Variants in CADM2 observed in about 807,000 individuals in gnomAD.
CADM2 encodes immunoglobulin superfamily member 4D.
A neutral mutation model predicts 49.8 loss-of-function variants in CADM2; 12 were observed. That is an observed-to-expected ratio of 0.24 (90% CI 0.15 to 0.39). The LOEUF (loss-of-function observed/expected upper bound fraction) is 0.39, where lower values mean the gene tolerates loss of function less well. CADM2 is among the 10% of genes least tolerant of loss of function. CADM2 has a pLI of 1.00. For missense variants in CADM2, 378 were observed against 492.3 expected, an observed-to-expected ratio of 0.77 and a Z score of 2.20; for synonymous variants, 214 against 175.4, an observed-to-expected ratio of 1.22 and a Z score of -1.74.
chr3:86,065,627 G>C lies in CADM2; in HGVS notation c.993G>C (p.Gln331His), dbSNP rs745405105. 4 of 1,613,336 alleles carry C rather than the reference G, an allele frequency of 2.5e-6. No individual in the cohort carries two copies. In the Admixed American group the frequency reaches 6.7e-5, roughly 27 times the overall value. ...IVHDPNALAG[Q>H]NGPDHALIGG... ...CAGATCCTAATGCTTTGGCTGGCCA[G>C]AATGGCCCTGACCATGCTCTCATAG... Residue 331 changes from glutamine (Q) to histidine (H), a missense_variant, in exon 9 of 10, where the codon CAG (glutamine) becomes CAC (histidine). Transcript: ENST00000383699.
chr3:85,978,321 A>AT (rs1727046682), intron 8 of CADM2, among the ~76,000 whole-genome samples: 1 of 151,426 alleles, frequency 6.6e-6, no homozygotes, highest in African/African-American at 2.4e-5. Context: ...TCTGGGTTTT[A>AT]TTTTTTCTGT....
At chr3:84,965,553 T>C (rs2030910987) in intron 1 of CADM2, among the ~76,000 whole-genome samples, 1 of 152,212 alleles carries the variant, frequency 6.6e-6, no homozygotes, top group Non-Finnish European at 1.5e-5. Context: ...CTATCAACAT[T>C]TTCATCCAAT....
intron 1 of CADM2, among the ~76,000 whole-genome samples, chr3:85,155,097 C>T (rs374368570): frequency 0.17 from 22,639 of 136,864 alleles, 3,337 homozygotes; most frequent in African/African-American, 0.41. Context: ...CAATATTAAC[C>T]TTAAATGTAA....
At chr3:85,184,149 G>T (rs1281089811) in intron 1 of CADM2, among the ~76,000 whole-genome samples, 1 of 152,058 alleles carries the variant, frequency 6.6e-6, no homozygotes, top group Non-Finnish European at 1.5e-5. Context: ...GGCAAACACA[G>T]CATGGAAGTT....
At chr3:85,315,871 T>C (rs1282991613) in intron 1 of CADM2, among the ~76,000 whole-genome samples, 1 of 152,156 alleles carries the variant, frequency 6.6e-6, no homozygotes. Context: ...ATTCATTATT[T>C]AGTGAAGATA....
intron 1 of CADM2, among the ~76,000 whole-genome samples, chr3:85,004,356 T>G (rs990203073): frequency 2.8e-4 from 42 of 152,200 alleles, no homozygotes; most frequent in African/African-American, 1.0e-3. Flanking sequence ...TCAGCATTCT[T>G]TGTTCATTCA....
At chr3:85,197,426 T>C (rs553143585) in intron 1 of CADM2, among the ~76,000 whole-genome samples, 1 of 152,058 alleles carries the variant, frequency 6.6e-6, no homozygotes, top group South Asian at 2.1e-4. Flanking sequence ...TGCCACTCTG[T>C]CTAATACTAA....
At chr3:85,541,407 A>G (rs2061535803) in intron 1 of CADM2, among the ~76,000 whole-genome samples, 1 of 151,286 alleles carries the variant, frequency 6.6e-6, no homozygotes, top group Admixed American at 6.6e-5. Context: ...TATGATAAGT[A>G]TAAAGTATTA....
At chr3:84,983,451 T>G (rs2032334419) in intron 1 of CADM2, among the ~76,000 whole-genome samples, 1 of 152,106 alleles carries the variant, frequency 6.6e-6, no homozygotes, top group African/African-American at 2.4e-5. Flanking sequence ...AAAGCCAATT[T>G]TTAATAAAAT....
chr3:85,557,501 G>A (rs1279578701), intron 1 of CADM2, among the ~76,000 whole-genome samples: 1 of 151,166 alleles, frequency 6.6e-6, no homozygotes, highest in Admixed American at 6.6e-5. Flanking sequence ...AAAAACCAAA[G>A]ATAATATGTA....
chr3:85,071,999 C>G (rs1466117742), intron 1 of CADM2, among the ~76,000 whole-genome samples: 1 of 150,562 alleles, frequency 6.6e-6, no homozygotes, highest in Non-Finnish European at 1.5e-5. Context: ...AAATGGTAAA[C>G]TGTAACAGCA....
intron 1 of CADM2, among the ~76,000 whole-genome samples, chr3:85,495,368 A>G (rs1316729260): frequency 6.6e-6 from 1 of 152,164 alleles, no homozygotes; most frequent in Non-Finnish European, 1.5e-5. Context: ...GTAACCTTAG[A>G]AAGACTTCTA....
chr3:85,118,973 T>C (rs1205922825), intron 1 of CADM2, among the ~76,000 whole-genome samples: 1 of 152,140 alleles, frequency 6.6e-6, no homozygotes, highest in African/African-American at 2.4e-5. Context: ...GGTCTCGAAC[T>C]CCCAACCTCA....
At chr3:85,401,131 CACCACTAAGCTGGACCAGAAGCTCTGTTT>C (rs1011917629) in intron 1 of CADM2, among the ~76,000 whole-genome samples, 3 of 152,178 alleles carry the variant, frequency 2.0e-5, no homozygotes, top group Admixed American at 6.5e-5. Flanking sequence ...CTCCTCCTCT[CACCACTAAGCTGGACCAGAAGCTCTGTTT>C]ACCACACTCA....
chr3:85,573,972 G>A (rs150991094), intron 1 of CADM2, among the ~76,000 whole-genome samples: 1 of 152,182 alleles, frequency 6.6e-6, no homozygotes, highest in Non-Finnish European at 1.5e-5. Flanking sequence ...TGCTTACCCA[G>A]CTGTCCACGA....
intron 8 of CADM2, among the ~76,000 whole-genome samples, chr3:85,989,866 A>C (rs1053109784): frequency 5.9e-5 from 9 of 151,572 alleles, no homozygotes; most frequent in African/African-American, 1.9e-4. Context: ...ACAAAAAATT[A>C]ACTGGGCATG....
At chr3:85,433,199 A>C (rs2036767130) in intron 1 of CADM2, among the ~76,000 whole-genome samples, 1 of 152,118 alleles carries the variant, frequency 6.6e-6, no homozygotes. Flanking sequence ...ATAGAATATG[A>C]CATTAAAATA....
chr3:84,984,323 G>A (rs73137667), intron 1 of CADM2, among the ~76,000 whole-genome samples: 6,404 of 118,462 alleles, frequency 0.054, 187 homozygotes, highest in Admixed American at 0.13. Flanking sequence ...CCCTAGTTCA[G>A]TTAATGCCCT....
At chr3:85,926,238 G>A (rs1363668162) in intron 6 of CADM2, among the ~76,000 whole-genome samples, 2 of 151,934 alleles carry the variant, frequency 1.3e-5, no homozygotes, top group African/African-American at 4.8e-5. Flanking sequence ...GACATTTTGG[G>A]CAAGAGAATT....
Sources: gnomAD v4.1 joint callset for allele counts (sites outside exome capture counted in the v4.1 genomes callset) on GRCh38, gnomAD v4.1.1 for gene constraint, MANE v1.5 for transcripts, NCBI Gene and HGNC (gene_info 2026-07-23, HGNC 2026-07-21) for gene names.